Variants in DENND5B observed in about 807,000 individuals in gnomAD.
DENND5B encodes the protein DENN domain containing 5B.
DENND5B carries 34 observed loss-of-function variants against 140.6 expected under a neutral mutation model. The ratio of observed to expected loss-of-function variants is 0.24; its 90% CI spans 0.18 to 0.32. The LOEUF (loss-of-function observed/expected upper bound fraction) is 0.32. Ranked by LOEUF, DENND5B falls within the 10% of genes least tolerant of loss-of-function variation. The probability of loss-of-function intolerance (pLI) is 1.00; values close to 1 mark genes in which losing one functional copy is unlikely to be tolerated. For synonymous variants in DENND5B, 551 were observed against 562.1 expected (o/e 0.98, Z 0.28); for missense variants, 1,142 against 1,560.2 (o/e 0.73, Z 4.52).
At chr12:31,548,968 T>C (rs115419445) in intron 1 of DENND5B, among the ~76,000 whole-genome samples, 1,747 of 152,140 alleles carry the variant, frequency 0.011, 23 homozygotes, top group African/African-American at 0.04. Flanking sequence ...CGATCATAGC[T>C]CACAGCAGCC....
intron 4 of DENND5B, among the ~76,000 whole-genome samples, chr12:31,453,597 T>G (rs1018284198): frequency 6.6e-6 from 1 of 152,110 alleles, no homozygotes; most frequent in Non-Finnish European, 1.5e-5. Context: ...ATTACATCAA[T>G]GGTTGAACAT....
rs1485002727 is a variant in DENND5B at position 31,488,158 on chromosome 12, T to C, written c.237+7652A>G. On this transcript the variant is annotated intron_variant, in intron 2 of 20. Transcript: ENST00000389082. Reference sequence around the variant, plus strand: ...TTTTTTTTTTTTTTTGTACTTTTAGTAGAGACGAGGTTTCACCATGTTGGC... The same window carrying C: ...TTTTTTTTTTTTTTTGTACTTTTAGCAGAGACGAGGTTTCACCATGTTGGC... Among the ~76,000 whole-genome samples the C allele has an allele frequency of 7.3e-5, 11 of 150,246 alleles. No homozygotes were observed. The East Asian group carries it at 2.1e-3, about 29-fold the overall frequency.
At chr12:31,503,396 C>T (rs1019566669) in intron 1 of DENND5B, among the ~76,000 whole-genome samples, 5 of 151,948 alleles carry the variant, frequency 3.3e-5, no homozygotes, top group Non-Finnish European at 7.4e-5. Context: ...CCTGTCTCTA[C>T]AAAAAATATA....
intron 16 of DENND5B, 75 bp from the exon 17 acceptor site, chr12:31,398,437 T>G: frequency 7.1e-7 from 1 of 1,402,212 alleles, no homozygotes; most frequent in Non-Finnish European, 9.5e-7. Flanking sequence ...CCTGAGTAGT[T>G]GAGACTACAG....
At chr12:31,421,997 T>TGTA (rs1300904363) in intron 11 of DENND5B, among the ~76,000 whole-genome samples, 1 of 152,192 alleles carries the variant, frequency 6.6e-6, no homozygotes, top group Non-Finnish European at 1.5e-5. Context: ...TCCAGGGCAA[T>TGTA]GTAGTCAGCT....
At chr12:31,407,533 A>C (rs570035918) in intron 14 of DENND5B, among the ~76,000 whole-genome samples, 54 of 152,332 alleles carry the variant, frequency 3.5e-4, no homozygotes, top group African/African-American at 1.3e-3. Flanking sequence ...TCCCCATTCC[A>C]ATTCCCTTTT....
chr12:31,587,671 C>T (rs535390453), intron 1 of DENND5B, among the ~76,000 whole-genome samples: 2 of 151,060 alleles, frequency 1.3e-5, no homozygotes, highest in Non-Finnish European at 2.9e-5. Flanking sequence ...CCTCAGCCTC[C>T]AGAGTAACTG....
At chr12:31,551,608 T>C (rs1010557267) in intron 1 of DENND5B, among the ~76,000 whole-genome samples, 2 of 152,300 alleles carry the variant, frequency 1.3e-5, no homozygotes, top group Admixed American at 1.3e-4. Context: ...AAGAAAGTCA[T>C]TGGTTGCTTG....
At chr12:31,463,320 T>C (rs1945108209) in intron 3 of DENND5B, among the ~76,000 whole-genome samples, 1 of 151,458 alleles carries the variant, frequency 6.6e-6, no homozygotes, top group African/African-American at 2.4e-5. Context: ...TCACCAGGAG[T>C]AGGCAGAGAC....
rs1015171705 is a variant in DENND5B, at chr12:31,383,205, A to G, written c.*4398T>C. 4 of 152,182 alleles carry G rather than the reference A, an allele frequency of 2.6e-5. No individual in the cohort carries two copies. Among genetic ancestry groups the G allele is most frequent in the African/African-American group, 9.6e-5 (4 of 41,452 alleles). The allele number at this position is 152,182 out of a possible 1,614,324, so 9.4% of individuals were successfully genotyped here. ...ACAGTTCCCTAAATGAAAAATTGTA[A>G]TCTTTAGCAGAAAGAAGATATTTCA... is the stretch of plus-strand genomic sequence containing the variant. On this transcript the variant is annotated 3_prime_UTR_variant, in exon 21 of 21. Coordinates refer to ENST00000389082, the MANE Select transcript of DENND5B (RefSeq NM_144973.4).
chr12:31,392,876 T>C (rs1435248690), intron 17 of DENND5B, among the ~76,000 whole-genome samples, 180 bp from the exon 18 acceptor site: 1 of 152,166 alleles, frequency 6.6e-6, no homozygotes, highest in Non-Finnish European at 1.5e-5. Context: ...CCTGGCAAAA[T>C]GGAAAATAAT....
chr12:31,430,866 T>G (rs1366009165), intron 8 of DENND5B, among the ~76,000 whole-genome samples: 1 of 151,952 alleles, frequency 6.6e-6, no homozygotes, highest in Non-Finnish European at 1.5e-5. Context: ...GCCATAGAAA[T>G]AGCAACATTC....
chr12:31,562,934 T>A (rs71460996), intron 1 of DENND5B, among the ~76,000 whole-genome samples: 20,297 of 152,110 alleles, frequency 0.13, 1,619 homozygotes, highest in Non-Finnish European at 0.18. Flanking sequence ...TCCTTTTTTT[T>A]TTTTTTTAAC....
intron 16 of DENND5B, 51 bp downstream of exon 16, chr12:31,399,603 C>T: frequency 6.9e-7 from 1 of 1,450,016 alleles, no homozygotes; most frequent in Non-Finnish European, 9.6e-7. Flanking sequence ...CTTTTCTTAC[C>T]TGAAGAGTCT....
At chr12:31,479,030 A>G (rs1050170298) in intron 3 of DENND5B, among the ~76,000 whole-genome samples, 1 of 152,050 alleles carries the variant, frequency 6.6e-6, no homozygotes, top group Non-Finnish European at 1.5e-5. Context: ...CAACTCTGGC[A>G]GAACTGTTAG....
chr12:31,568,600 T>C (rs984013377), intron 1 of DENND5B, among the ~76,000 whole-genome samples: 3 of 152,222 alleles, frequency 2.0e-5, no homozygotes, highest in African/African-American at 7.2e-5. Flanking sequence ...GAAGGTGTGA[T>C]GTGCGAATAC....
chr12:31,402,443 A>C, intron 15 of DENND5B, 55 bp downstream of exon 15: 1 of 1,543,680 alleles, frequency 6.5e-7, no homozygotes, highest in Non-Finnish European at 8.7e-7. Flanking sequence ...AGACAGAATC[A>C]TCTGTAAAAC....
In DENND5B at chr12:31,566,301, G is replaced by A. The variant is rs566745097; in HGVS notation, c.127+24405C>T. Among the ~76,000 whole-genome samples the A allele has an allele frequency of 5.3e-5, 8 of 151,170 alleles. No individual in the cohort carries two copies. The East Asian group carries it at 1.2e-3, about 22-fold the overall frequency. ...CATCTGTGAATAGCTACTGCATTCC[G>A]GCCAGGGAAACATAGTGAGAACCTC... On this transcript the variant is annotated intron_variant, in intron 1 of 20. Transcript: ENST00000389082.
At chr12:31,528,716 C>T (rs1591987606) in intron 1 of DENND5B, among the ~76,000 whole-genome samples, 1 of 152,168 alleles carries the variant, frequency 6.6e-6, no homozygotes, top group Non-Finnish European at 1.5e-5. Context: ...AATAGGAATC[C>T]AGTTTTGAAC....
Sources: allele counts gnomAD v4.1 joint callset (sites outside exome capture counted in the v4.1 genomes callset), GRCh38; gene constraint gnomAD v4.1.1; transcripts MANE v1.5; gene names NCBI Gene and HGNC (gene_info 2026-07-23, HGNC 2026-07-21).